Variants in VRK2 observed in about 807,000 individuals in gnomAD.
The protein encoded by VRK2 is serine/threonine-protein kinase VRK2.
VRK2 carries 60 observed loss-of-function variants against 57.6 expected under a neutral mutation model. The ratio of observed to expected loss-of-function variants is 1.04; its 90% CI spans 0.85 to 1.29. The LOEUF is 1.29. Ranked by LOEUF, VRK2 falls within the 50% of genes most tolerant of loss-of-function variation. The pLI, the probability that VRK2 is intolerant of heterozygous loss-of-function variation, is 0.00. For missense variants in VRK2, 705 were observed against 588.1 expected (o/e 1.20, Z -2.06); for synonymous variants, 231 against 199.2 (o/e 1.16, Z -1.35).
intron 1 of VRK2, among the ~76,000 whole-genome samples, chr2:57,972,192 T>G (rs1247304111): frequency 6.6e-6 from 1 of 151,828 alleles, no homozygotes; most frequent in East Asian, 1.9e-4. Context: ...ACTATCAAGT[T>G]TGGCATTGTT....
chr2:57,975,777 AT>A (rs1356707006), intron 1 of VRK2, among the ~76,000 whole-genome samples: 3 of 141,282 alleles, frequency 2.1e-5, no homozygotes, highest in East Asian at 4.1e-4. Context: ...TTTTACTTTT[AT>A]TTTTGGTTCA....
upstream of VRK2, among the ~76,000 whole-genome samples, chr2:58,045,181 G>A (rs977340454): frequency 3.9e-5 from 6 of 152,220 alleles, no homozygotes; most frequent in Admixed American, 1.3e-4. Flanking sequence ...AAAGGGATAA[G>A]AGGGTATAAA....
chr2:57,928,672 C>A (rs945645978), intron 1 of VRK2, among the ~76,000 whole-genome samples: 21 of 152,116 alleles, frequency 1.4e-4, no homozygotes, highest in Non-Finnish European at 3.1e-4. Context: ...TTATACCCAT[C>A]CTTCTTTGGA....
rs1484425949 is a variant in VRK2, at chr2:57,963,765, T to C, written c.-439+55926T>C. ...ATAGTTTCTTTTTATAACCAATCAATAGTAATGTCTGCATCACAAAGATAA... is the reference window on the plus strand; with the variant it reads ...ATAGTTTCTTTTTATAACCAATCAACAGTAATGTCTGCATCACAAAGATAA... On this transcript the variant is annotated intron_variant, in intron 1 of 15. Coordinates refer to the VRK2 transcript ENST00000417641. 3.3e-5 allele frequency among the ~76,000 whole-genome samples: 5 copies of C among 152,362 alleles called. No individual in the cohort carries two copies. In the East Asian group the frequency reaches 7.7e-4, roughly 23 times the overall value.
chr2:58,134,903 T>C (rs960686425), intron 9 of VRK2, among the ~76,000 whole-genome samples: 1 of 152,164 alleles, frequency 6.6e-6, no homozygotes, highest in African/African-American at 2.4e-5. Flanking sequence ...AGAAAAGAGA[T>C]CACACCTTTC....
chr2:57,925,141 T>C (rs1670488890), intron 1 of VRK2, among the ~76,000 whole-genome samples: 1 of 152,104 alleles, frequency 6.6e-6, no homozygotes, highest in South Asian at 2.1e-4. Flanking sequence ...CCATCCATAT[T>C]CATCAGAAAT....
chr2:58,148,910 A>G (rs901223436), intron 12 of VRK2, among the ~76,000 whole-genome samples: 1 of 151,860 alleles, frequency 6.6e-6, no homozygotes, highest in African/African-American at 2.4e-5. Context: ...CTTTACAGCA[A>G]GTTCTGAAAT....
upstream of VRK2, among the ~76,000 whole-genome samples, chr2:58,042,933 T>G (rs1045189857): frequency 6.6e-6 from 1 of 152,206 alleles, no homozygotes; most frequent in Non-Finnish European, 1.5e-5. Context: ...TGTATTTCTA[T>G]ATTCTGTCAG....
chr2:57,942,257 T>C (rs1220583093), intron 1 of VRK2, among the ~76,000 whole-genome samples: 1 of 152,238 alleles, frequency 6.6e-6, no homozygotes, highest in Non-Finnish European at 1.5e-5. Context: ...CTGTACATAA[T>C]ATATTTTAAG....
At chr2:57,975,990 C>T (rs900532757) in intron 1 of VRK2, among the ~76,000 whole-genome samples, 1 of 152,022 alleles carries the variant, frequency 6.6e-6, no homozygotes, top group African/African-American at 2.4e-5. Flanking sequence ...ACGTTTAGCT[C>T]CCACTTATAA....
chr2:58,147,796 C>CA (rs1231713610), intron 12 of VRK2, among the ~76,000 whole-genome samples: 2 of 125,314 alleles, frequency 1.6e-5, no homozygotes, highest in East Asian at 5.0e-4. Context: ...TTCTTTCACT[C>CA]AGTGTTTTTT....
chr2:57,935,835 A>G (rs962924152), intron 1 of VRK2, among the ~76,000 whole-genome samples: 1 of 152,216 alleles, frequency 6.6e-6, no homozygotes, highest in Non-Finnish European at 1.5e-5. Flanking sequence ...ACTCTTGACA[A>G]TGAGCTGTGC....
chr2:57,955,424 T>C (rs1671554136), intron 1 of VRK2, among the ~76,000 whole-genome samples: 2 of 152,012 alleles, frequency 1.3e-5, no homozygotes. Flanking sequence ...TAGCAAAATA[T>C]AAAAATGAGA....
At chr2:58,028,903 A>AATAAATATATATAT (rs1553378204) in intron 2 of VRK2, among the ~76,000 whole-genome samples, 14 of 54,016 alleles carry the variant, frequency 2.6e-4, no homozygotes, top group African/African-American at 3.5e-4. Flanking sequence ...TAAATAAATA[A>AATAAATATATATAT]ATATATATAT....
chr2:58,098,313 CTG>C (rs1235745643), intron 7 of VRK2, among the ~76,000 whole-genome samples: 1 of 151,924 alleles, frequency 6.6e-6, no homozygotes, highest in Non-Finnish European at 1.5e-5. Flanking sequence ...AAGAAAAAAA[CTG>C]TAAACACATT....
At chr2:58,029,250 A>T (rs1674040011) in intron 2 of VRK2, among the ~76,000 whole-genome samples, 6 of 152,212 alleles carry the variant, frequency 3.9e-5, no homozygotes, top group Admixed American at 3.9e-4. Context: ...ATCTCCAGGC[A>T]TGAAGGATCA....
At chr2:58,064,126 G>A (rs1261748532) in intron 2 of VRK2, among the ~76,000 whole-genome samples, 4 of 152,018 alleles carry the variant, frequency 2.6e-5, no homozygotes, top group Non-Finnish European at 5.9e-5. Flanking sequence ...ATCTATCCTG[G>A]TAAAGATGCC....
chr2:58,004,463 C>A (rs1488563479), intron 1 of VRK2, among the ~76,000 whole-genome samples: 18 of 152,058 alleles, frequency 1.2e-4, no homozygotes. Flanking sequence ...TCTGTTATTG[C>A]AATGATTTTA....
chr2:57,945,309 AT>A (rs1671227832), intron 1 of VRK2, among the ~76,000 whole-genome samples: 1 of 152,114 alleles, frequency 6.6e-6, no homozygotes. Flanking sequence ...CATCATGAAG[AT>A]TTCCCAATGA....
Sources: gnomAD v4.1 joint callset for allele counts (sites outside exome capture counted in the v4.1 genomes callset) on GRCh38, gnomAD v4.1.1 for gene constraint, MANE v1.5 for transcripts, NCBI Gene and HGNC (gene_info 2026-07-23, HGNC 2026-07-21) for gene names.